The following LRRC4C variants were observed in gnomAD, a reference collection of about 807,000 sequenced individuals.
The protein encoded by LRRC4C is leucine rich repeat containing 4C, also known as leucine-rich repeat-containing protein 4C.
Under a neutral mutation model 33.6 loss-of-function variants are expected in LRRC4C, and 5 were observed. The observed-to-expected ratio is 0.15, with a 90% CI of 0.08 to 0.31. The LOEUF (loss-of-function observed/expected upper bound fraction) is 0.31. Ranked by LOEUF, LRRC4C falls within the 10% of genes least tolerant of loss-of-function variation. LRRC4C has a pLI of 1.00. For synonymous variants in LRRC4C, 329 were observed against 302.0 expected (o/e 1.09, Z -0.93); for missense variants, 560 against 796.7 (o/e 0.70, Z 3.58).
intron 3 of LRRC4C, among the ~76,000 whole-genome samples, chr11:40,410,127 C>T (rs1296155411): frequency 6.6e-6 from 1 of 151,778 alleles, no homozygotes; most frequent in African/African-American, 2.4e-5. Flanking sequence ...ATAGAGACAT[C>T]TAGCTCTTTA....
At chr11:41,011,876 C>A (rs183438551) in intron 1 of LRRC4C, among the ~76,000 whole-genome samples, 2 of 103,346 alleles carry the variant, frequency 1.9e-5, no homozygotes, top group Admixed American at 2.0e-4. Context: ...GAGATGGAGT[C>A]TTACTCTGTC....
chr11:41,324,394 C>A (rs1296160552), intron 1 of LRRC4C, among the ~76,000 whole-genome samples: 1 of 152,162 alleles, frequency 6.6e-6, no homozygotes, highest in Non-Finnish European at 1.5e-5. Context: ...CATGCCATTG[C>A]ACTCCAGCTT....
intron 1 of LRRC4C, among the ~76,000 whole-genome samples, chr11:41,387,632 A>G (rs142340072): frequency 2.6e-5 from 4 of 151,850 alleles, no homozygotes; most frequent in African/African-American, 4.8e-5. Context: ...TCAGAATGGA[A>G]AAGTCCAATA....
intron 1 of LRRC4C, among the ~76,000 whole-genome samples, chr11:41,079,762 A>G (rs78692643): frequency 0.039 from 6,003 of 152,206 alleles, 141 homozygotes; most frequent in Middle Eastern, 0.071. Context: ...CTTTCTTAAA[A>G]CTTTATGAGG....
At chr11:40,897,084 A>G (rs11036144) in intron 2 of LRRC4C, among the ~76,000 whole-genome samples, 13,459 of 152,236 alleles carry the variant, frequency 0.088, 818 homozygotes, top group African/African-American at 0.17. Flanking sequence ...GAAATTTGCA[A>G]TGACTATTCA....
At chr11:41,226,201 T>C (rs1192438155) in intron 1 of LRRC4C, among the ~76,000 whole-genome samples, 4 of 152,172 alleles carry the variant, frequency 2.6e-5, no homozygotes, top group African/African-American at 9.7e-5. Flanking sequence ...CTCCCCTCTA[T>C]GGACCTTTCA....
At chr11:41,207,460 G>GATA (rs1236171963) in intron 1 of LRRC4C, among the ~76,000 whole-genome samples, 3 of 152,102 alleles carry the variant, frequency 2.0e-5, no homozygotes, top group Non-Finnish European at 2.9e-5. Context: ...TGTTTATGGA[G>GATA]ATAATGGCTT....
intron 5 of LRRC4C, among the ~76,000 whole-genome samples, chr11:40,167,313 G>A (rs924878859): frequency 7.2e-5 from 11 of 152,136 alleles, no homozygotes; most frequent in African/African-American, 2.7e-4. Flanking sequence ...CAGTGAAGAT[G>A]CAGAATGGAA....
chr11:40,821,535 T>A (rs1404101187), intron 2 of LRRC4C, among the ~76,000 whole-genome samples: 2 of 151,588 alleles, frequency 1.3e-5, no homozygotes, highest in Non-Finnish European at 3.0e-5. Flanking sequence ...TTTATATTTT[T>A]TAACAATTTC....
At chr11:41,245,993 C>T (rs1253143323) in intron 1 of LRRC4C, among the ~76,000 whole-genome samples, 1 of 152,090 alleles carries the variant, frequency 6.6e-6, no homozygotes, top group Non-Finnish European at 1.5e-5. Context: ...GGAAAAGGCA[C>T]CGTAAGTTCT....
intron 2 of LRRC4C, among the ~76,000 whole-genome samples, chr11:40,776,497 G>T (rs1950001441): frequency 6.6e-6 from 1 of 151,896 alleles, no homozygotes. Context: ...ATTTTATGTA[G>T]ATATTTTAGT....
At chr11:40,335,734 C>A (rs977523937) in intron 3 of LRRC4C, among the ~76,000 whole-genome samples, 1 of 152,150 alleles carries the variant, frequency 6.6e-6, no homozygotes, top group Non-Finnish European at 1.5e-5. Context: ...AGAATGGATT[C>A]GTCTAACTTT....
At chr11:40,516,124 A>G (rs964845389) in intron 3 of LRRC4C, among the ~76,000 whole-genome samples, 1 of 152,070 alleles carries the variant, frequency 6.6e-6, no homozygotes, top group African/African-American at 2.4e-5. Flanking sequence ...TCCTAATACT[A>G]TAGTGGCATT....
At chr11:40,238,470 A>T (rs994739680) in intron 5 of LRRC4C, among the ~76,000 whole-genome samples, 4 of 152,154 alleles carry the variant, frequency 2.6e-5, no homozygotes, top group African/African-American at 9.6e-5. Flanking sequence ...CTGTTTAGGC[A>T]ACAGCACCAT....
intron 1 of LRRC4C, among the ~76,000 whole-genome samples, chr11:41,268,361 T>G (rs1433221841): frequency 6.6e-6 from 1 of 152,074 alleles, no homozygotes; most frequent in African/African-American, 2.4e-5. Flanking sequence ...GTTAAGCTGT[T>G]GTGTGCTTTA....
chr11:40,673,608 C>G (rs765336827), intron 2 of LRRC4C, among the ~76,000 whole-genome samples: 7 of 152,140 alleles, frequency 4.6e-5, no homozygotes, highest in Admixed American at 2.0e-4. Flanking sequence ...GTGCTTTATA[C>G]AGTAGTTCAC....
chr11:41,349,758 A>C (rs558790234), intron 1 of LRRC4C, among the ~76,000 whole-genome samples: 13 of 152,352 alleles, frequency 8.5e-5, no homozygotes, highest in South Asian at 2.1e-4. Context: ...TAAATGCCAC[A>C]GTGTCTTCTT....
intron 5 of LRRC4C, among the ~76,000 whole-genome samples, chr11:40,221,765 C>T (rs995695512): frequency 2.0e-5 from 3 of 152,080 alleles, no homozygotes; most frequent in African/African-American, 7.2e-5. Flanking sequence ...AAATCCCTAT[C>T]CTGTTTTGTT....
chr11:41,354,549 GA>G (rs761252684), intron 1 of LRRC4C, among the ~76,000 whole-genome samples: 2 of 151,702 alleles, frequency 1.3e-5, no homozygotes, highest in South Asian at 4.2e-4. Flanking sequence ...TAAATCAGGG[GA>G]AAAAAAGACT....
Sources: gnomAD v4.1 joint callset for allele counts (sites outside exome capture counted in the v4.1 genomes callset) on GRCh38, gnomAD v4.1.1 for gene constraint, MANE v1.5 for transcripts, NCBI Gene and HGNC (gene_info 2026-07-23, HGNC 2026-07-21) for gene names.